Variants in FHOD3 observed in about 807,000 individuals in gnomAD.
FHOD3 encodes the protein formin homology 2 domain containing 3, also known as FH1/FH2 domain-containing protein 3.
Under a neutral mutation model 173.0 loss-of-function variants are expected in FHOD3, and 90 were observed. The observed-to-expected ratio is 0.52, with a 90% CI of 0.44 to 0.62. The LOEUF is 0.62. Among genes scored for constraint, FHOD3 ranks in the 20% least tolerant of loss-of-function variants. FHOD3 has a pLI of 0.00. For synonymous variants in FHOD3, 828 were observed against 823.0 expected (o/e 1.01, Z -0.10); for missense variants, 1,945 against 2,034.7 (o/e 0.96, Z 0.85).
chr18:36,335,219 G>T (rs1295373817), intron 1 of FHOD3, among the ~76,000 whole-genome samples: 2 of 152,182 alleles, frequency 1.3e-5, no homozygotes, highest in Non-Finnish European at 2.9e-5. Context: ...AACTTGGCCG[G>T]GCGCGGTGGC....
rs534011333 is a variant in FHOD3, at chr18:36,429,617, A to G, written c.337+56873A>G. ...TTAGCACAGATAAGGAATTCTTAGG[A>G]TTGGAGAACTAATCAGGAGATCAAG... On this transcript the variant is annotated intron_variant, in intron 3 of 28. Transcript: ENST00000590592. Among the ~76,000 whole-genome samples, 8 of 152,234 alleles carry G rather than the reference A, an allele frequency of 5.3e-5. No homozygotes were observed. The South Asian group carries it at 1.7e-3, about 32-fold the overall frequency.
chr18:36,542,304 G>T (rs1475662342), intron 5 of FHOD3, among the ~76,000 whole-genome samples: 1 of 152,106 alleles, frequency 6.6e-6, no homozygotes, highest in Non-Finnish European at 1.5e-5. Flanking sequence ...TGTCAGGGGT[G>T]GGGGTAGATG....
chr18:36,409,454 C>A (rs1427045012), intron 3 of FHOD3, among the ~76,000 whole-genome samples: 4 of 152,176 alleles, frequency 2.6e-5, no homozygotes, highest in African/African-American at 9.7e-5. Flanking sequence ...CTTCCCCCAG[C>A]AAACCTTTAT....
chr18:36,475,029 ACACACTCT>A (rs781719293), intron 3 of FHOD3, among the ~76,000 whole-genome samples: 1 of 54,680 alleles, frequency 1.8e-5, no homozygotes, highest in Non-Finnish European at 4.3e-5. Flanking sequence ...ACACACACAC[ACACACTCT>A]GCAAAATTTA....
chr18:36,681,508 G>A lies in FHOD3; in HGVS notation c.1908G>A (p.Arg636=). 1 of 1,613,882 alleles carries A rather than the reference G, an allele frequency of 6.2e-7. No homozygotes were observed. The highest frequency in any genetic ancestry group is 8.5e-7 in the Non-Finnish European group (1 of 1,179,892). The stretch of plus-strand genomic sequence containing the variant: ...AGTCACTGGCAGCAGAGAGAGAGAG[G>A]CGGCGGCAGGAGAGAGAAGAAAGGT... ...HQESLAAERE[R]RRQEREERLQ... is the part of the protein sequence containing the mutation. Residue 636 remains arginine (R), a synonymous_variant, in exon 15 of 29, where the codon AGG becomes AGA. Coordinates refer to ENST00000590592, the MANE Select transcript of FHOD3 (RefSeq NM_001281740.3).
At chr18:36,465,382 T>C (rs2052853418) in intron 3 of FHOD3, among the ~76,000 whole-genome samples, 2 of 152,032 alleles carry the variant, frequency 1.3e-5, no homozygotes, top group South Asian at 2.1e-4. Context: ...AGCAATGATG[T>C]TCGTGGCTGC....
At chr18:36,633,245 C>T (rs79091544) in intron 10 of FHOD3, among the ~76,000 whole-genome samples, 1 of 152,092 alleles carries the variant, frequency 6.6e-6, no homozygotes, top group Non-Finnish European at 1.5e-5. Flanking sequence ...CCCAACTTCT[C>T]AGATCTTATT....
intron 3 of FHOD3, among the ~76,000 whole-genome samples, chr18:36,454,213 G>GGC (rs2144449902): frequency 7.0e-6 from 1 of 142,192 alleles, no homozygotes; most frequent in East Asian, 2.1e-4. Context: ...ATGGAGAGCT[G>GGC]GCACACACAC....
intron 3 of FHOD3, among the ~76,000 whole-genome samples, chr18:36,486,032 C>T (rs1401643219): frequency 6.6e-6 from 1 of 152,206 alleles, no homozygotes; most frequent in Non-Finnish European, 1.5e-5. Flanking sequence ...ACCTGGGACT[C>T]TGTCTTTCCT....
intron 2 of FHOD3, among the ~76,000 whole-genome samples, chr18:36,371,215 G>A (rs1226939576): frequency 6.6e-6 from 1 of 152,210 alleles, no homozygotes; most frequent in Admixed American, 6.5e-5. Context: ...GCTACTGCAT[G>A]CTTTGCAATT....
At chr18:36,525,509 G>T (rs2056470755) in intron 5 of FHOD3, among the ~76,000 whole-genome samples, 1 of 152,184 alleles carries the variant, frequency 6.6e-6, no homozygotes, top group Non-Finnish European at 1.5e-5. Flanking sequence ...GATGATAAAT[G>T]TATGTTGTTT....
intron 5 of FHOD3, among the ~76,000 whole-genome samples, chr18:36,522,787 G>A (rs934306684): frequency 1.3e-5 from 2 of 152,172 alleles, no homozygotes; most frequent in South Asian, 2.1e-4. Flanking sequence ...GGGTGATTCC[G>A]GGTAAGCACA....
chr18:36,404,484 T>C (rs2048968670), intron 3 of FHOD3, among the ~76,000 whole-genome samples: 1 of 152,328 alleles, frequency 6.6e-6, no homozygotes, highest in Non-Finnish European at 1.5e-5. Flanking sequence ...GTTGCTATTG[T>C]AGAATAGTAT....
rs116604004 is a variant in FHOD3 at position 36,412,502 on chromosome 18, T to G, written c.337+39758T>G. ...ACAAGGACTAAAATCAGATTTATTCTTGAACAGCTGGGAAAGCTATCCATG... is the reference window on the plus strand; with the variant it reads ...ACAAGGACTAAAATCAGATTTATTCGTGAACAGCTGGGAAAGCTATCCATG... On this transcript the variant is annotated intron_variant, in intron 3 of 28. Coordinates refer to ENST00000590592, the MANE Select transcript of FHOD3 (RefSeq NM_001281740.3). 1.2e-3 allele frequency among the ~76,000 whole-genome samples: 184 copies of G among 152,338 alleles called. 1 individual carries two copies. Among genetic ancestry groups the G allele is most frequent in the African/African-American group, 4.2e-3 (173 of 41,572 alleles).
chr18:36,367,221 G>A (rs535372863), intron 2 of FHOD3, among the ~76,000 whole-genome samples: 10 of 152,306 alleles, frequency 6.6e-5, no homozygotes, highest in South Asian at 6.2e-4. Context: ...CGGTAGTGCC[G>A]TTGTGTCCCT....
chr18:36,774,118 C>A (rs934335696), intron 28 of FHOD3, among the ~76,000 whole-genome samples: 1 of 152,222 alleles, frequency 6.6e-6, no homozygotes, highest in Non-Finnish European at 1.5e-5. Flanking sequence ...GCCAAACTCT[C>A]CCTTTGCCCA....
chr18:36,649,839 A>G (rs1358238213), intron 11 of FHOD3, among the ~76,000 whole-genome samples: 3 of 152,162 alleles, frequency 2.0e-5, no homozygotes, highest in African/African-American at 7.2e-5. Flanking sequence ...GATAACTACT[A>G]TATTAATGAT....
chr18:36,632,573 T>C (rs1484991970), intron 10 of FHOD3, among the ~76,000 whole-genome samples: 1 of 152,238 alleles, frequency 6.6e-6, no homozygotes, highest in Non-Finnish European at 1.5e-5. Flanking sequence ...TCACATGCAC[T>C]AAATATATTT....
At chr18:36,488,542 T>C (rs2054304751) in intron 3 of FHOD3, among the ~76,000 whole-genome samples, 1 of 152,194 alleles carries the variant, frequency 6.6e-6, no homozygotes, top group Non-Finnish European at 1.5e-5. Flanking sequence ...GACTGGACTA[T>C]TCACTGTATG....
Sources: allele counts gnomAD v4.1 joint callset (sites outside exome capture counted in the v4.1 genomes callset), GRCh38; gene constraint gnomAD v4.1.1; transcripts MANE v1.5; gene names NCBI Gene and HGNC (gene_info 2026-07-23, HGNC 2026-07-21).